Variants in SH3BP2 observed in about 807,000 individuals in gnomAD.
The protein encoded by SH3BP2 is SH3 domain-binding protein 2.
SH3BP2 carries 38 observed loss-of-function variants against 56.2 expected under a neutral mutation model. The observed-to-expected ratio is 0.68, with a 90% CI of 0.52 to 0.89. The LOEUF (loss-of-function observed/expected upper bound fraction) is 0.89. SH3BP2 is among the 40% of genes least tolerant of loss of function. The probability of loss-of-function intolerance (pLI) is 0.00; values close to 1 mark genes in which losing one functional copy is unlikely to be tolerated. For synonymous variants in SH3BP2, 346 were observed against 316.7 expected (o/e 1.09, Z -0.98); for missense variants, 748 against 762.6 (o/e 0.98, Z 0.23).
In SH3BP2 at chr4:2,836,502, G is replaced by A. The variant is rs1008784360; in HGVS notation, c.*2668G>A. The A allele has an allele frequency of 6.6e-6, 1 of 152,274 alleles. No individual in the cohort carries two copies. Among genetic ancestry groups the A allele is most frequent in the Non-Finnish European group, 1.5e-5 (1 of 68,076 alleles). The allele number at this position is 152,274 out of a possible 1,614,324, so 9.4% of individuals were successfully genotyped here. ...AGAGAACCAAGTCTCACAGAGGCCT[G>A]GGTTCAAGTCCCACCTCTGCCACTA... On this transcript the variant is annotated 3_prime_UTR_variant, in exon 13 of 13. Coordinates refer to ENST00000503393, the MANE Select transcript of SH3BP2 (RefSeq NM_001122681.2).
rs1017055566 is a variant in SH3BP2, at chr4:2,838,059, G to C, written c.*4225G>C. ...GACAGCTGCCCTGGCGTTGCCGTCT[G>C]CTTCTTCCCTGGCCCCACTCTGAGG... On this transcript the variant is annotated 3_prime_UTR_variant, in exon 13 of 13. Coordinates refer to ENST00000503393, the MANE Select transcript of SH3BP2 (RefSeq NM_001122681.2). 1 of 152,268 alleles carries C rather than the reference G, an allele frequency of 6.6e-6. No homozygotes were observed. Among genetic ancestry groups the C allele is most frequent in the Non-Finnish European group, 1.5e-5 (1 of 68,082 alleles). 9.4% of individuals were successfully genotyped at this position (152,268 alleles called of 1,614,324 possible). A position where few individuals can be genotyped will look rare whatever the true frequency, so the allele number is the denominator to read the frequency against.
At chr4:2,832,489 A>T in intron 11 of SH3BP2, 77 bp downstream of exon 11, 1 of 1,103,928 alleles carries the variant, frequency 9.1e-7, no homozygotes, top group Non-Finnish European at 1.4e-6. Flanking sequence ...CCAGGACTCC[A>T]CAGTTCCTAA....
chr4:2,822,872 T>C, intron 2 of SH3BP2, 63 bp from the exon 3 acceptor site: 1 of 1,304,028 alleles, frequency 7.7e-7, no homozygotes, highest in Non-Finnish European at 1.1e-6. Flanking sequence ...TGGAGGGTCC[T>C]CACAGTGGGT....
Position 2,831,837 on chromosome 4 carries a change from C to T in SH3BP2, c.1351-86C>T, listed in dbSNP as rs1276017505. On this transcript the variant is annotated intron_variant, in intron 9 of 12. Coordinates refer to ENST00000503393, the MANE Select transcript of SH3BP2 (RefSeq NM_001122681.2). The surrounding 1 kb of genome is among the most constrained non-coding windows in gnomAD (Gnocchi z 4.1). Reference sequence around the variant, plus strand: ...CACAGCACCATGTAAAGCCCCGGATCCCGGCACCGGGTGGCCACCGTCCGG... The same window carrying T: ...CACAGCACCATGTAAAGCCCCGGATTCCGGCACCGGGTGGCCACCGTCCGG... 4 of 1,488,604 alleles carry T rather than the reference C, an allele frequency of 2.7e-6. No homozygotes were observed. The East Asian group carries it at 9.3e-5, about 35-fold the overall frequency. The allele number at this position is 1,488,604 out of a possible 1,614,324, so 92.2% of individuals were successfully genotyped here.
At chr4:2,805,246 G>T (rs2108705455) in intron 1 of SH3BP2, among the ~76,000 whole-genome samples, 1 of 152,332 alleles carries the variant, frequency 6.6e-6, no homozygotes, top group East Asian at 1.9e-4. Flanking sequence ...TGGGCGTGGG[G>T]TGTCCCGGCC....
chr4:2,799,575 A>G (rs1376144769), intron 1 of SH3BP2, among the ~76,000 whole-genome samples: 1 of 152,176 alleles, frequency 6.6e-6, no homozygotes, highest in Admixed American at 6.5e-5. Flanking sequence ...TCTGCAGAGG[A>G]TCTAGCGGGC....
At chr4:2,833,084 C>A in intron 12 of SH3BP2, 35 bp downstream of exon 12, 1 of 1,602,290 alleles carries the variant, frequency 6.2e-7, no homozygotes, top group Non-Finnish European at 8.6e-7. Flanking sequence ...GGACCCTGGC[C>A]GCATGGCCTG....
At chr4:2,816,382 T>A (rs975857271) in intron 1 of SH3BP2, among the ~76,000 whole-genome samples, 13 of 152,272 alleles carry the variant, frequency 8.5e-5, no homozygotes, top group African/African-American at 3.1e-4. Context: ...ATTTTCTGTA[T>A]GTAAAATAAT....
intron 10 of SH3BP2, 35 bp downstream of exon 10, chr4:2,832,013 G>T (rs1019586585): frequency 1.2e-6 from 2 of 1,604,092 alleles, no homozygotes; most frequent in South Asian, 1.1e-5. Context: ...TGGGTCCTCC[G>T]CCATGCCCGG....
intron 5 of SH3BP2, chr4:2,827,000 T>C: frequency 1.5e-6 from 1 of 677,496 alleles, no homozygotes; most frequent in Non-Finnish European, 2.7e-6. Flanking sequence ...TGCATGTGTG[T>C]GTCTGTCAGC....
Position 2,809,614 on chromosome 4 carries a change from G to A in SH3BP2, c.-4-11000G>A, listed in dbSNP as rs947916624. On this transcript the variant is annotated intron_variant, in intron 1 of 12. Transcript: ENST00000503393. The stretch of plus-strand genomic sequence containing the variant: ...GGCAACAGGACTGTCCTCTTGGGCT[G>A]TGAGCCTTGAGATGAGGCAGGTGCC... 3.3e-5 allele frequency among the ~76,000 whole-genome samples: 5 copies of A among 152,232 alleles called. No individual in the cohort carries two copies. In the East Asian group the frequency reaches 7.7e-4, roughly 23 times the overall value.
At chr4:2,811,168 C>T (rs111467015) in intron 1 of SH3BP2, among the ~76,000 whole-genome samples, 25 of 152,190 alleles carry the variant, frequency 1.6e-4, no homozygotes, top group African/African-American at 4.1e-4. Context: ...GCTGGGGAGA[C>T]GGAGCTCCTT....
chr4:2,809,834 G>A, intron 1 of SH3BP2: 1 of 985,342 alleles, frequency 1.0e-6, no homozygotes, highest in Non-Finnish European at 1.2e-6. Flanking sequence ...ATCCTGGTAA[G>A]TGCCCTGTGT....
intron 1 of SH3BP2, 133 bp downstream of exon 1, chr4:2,793,271 C>T (rs1159753965): frequency 1.8e-5 from 2 of 111,908 alleles, no homozygotes; most frequent in African/African-American, 3.5e-5. Flanking sequence ...GGGGGAGTCT[C>T]GGGGTCCCGA....
rs370003217 is a variant in SH3BP2, at chr4:2,831,845, C to T, written c.1351-78C>T. 122 of 1,520,390 alleles carry T rather than the reference C, an allele frequency of 8.0e-5. No individual in the cohort carries two copies. The highest frequency in any genetic ancestry group is 1.8e-4 in the African/African-American group (13 of 73,106). The allele number at this position is 1,520,390 out of a possible 1,614,324, so 94.2% of individuals were successfully genotyped here. On this transcript the variant is annotated intron_variant, in intron 9 of 12. Transcript: ENST00000503393. This position sits in a 1 kb window ranked among gnomAD's most constrained non-coding sequence, Gnocchi z 4.1. ...CATGTAAAGCCCCGGATCCCGGCAC[C>T]GGGTGGCCACCGTCCGGGGAGTGGT...
In SH3BP2 at chr4:2,835,388, G is replaced by T. The variant is rs1271726312; in HGVS notation, c.*1554G>T. 1 of 152,228 alleles carries T rather than the reference G, an allele frequency of 6.6e-6. No individual in the cohort carries two copies. The highest frequency in any genetic ancestry group is 1.5e-5 in the Non-Finnish European group (1 of 68,078). 9.4% of individuals were successfully genotyped at this position (152,228 alleles called of 1,614,324 possible). On this transcript the variant is annotated 3_prime_UTR_variant, in exon 13 of 13. Coordinates refer to ENST00000503393, the MANE Select transcript of SH3BP2 (RefSeq NM_001122681.2). ...GCAGCCAGCTGCTTCCAGGAACCAG[G>T]TGTCCAAGGCCACCTCTGCAGGGGT...
At position 2,831,362 on chromosome 4, in the gene SH3BP2, A is replaced by C. The variant is rs9998364; in HGVS notation, c.1242-209A>C. Among the ~76,000 whole-genome samples, 6,684 of 151,944 alleles carry C rather than the reference A, an allele frequency of 0.044. 247 individuals are homozygous for C. The highest frequency in any genetic ancestry group is 0.084 in the African/African-American group (3,497 of 41,400). Reference sequence around the variant, plus strand: ...GCATCCATGGCAGCCCTGACCCCTGACTCCGGTGTCGGGCGATTCCTGCTG... The same window carrying C: ...GCATCCATGGCAGCCCTGACCCCTGCCTCCGGTGTCGGGCGATTCCTGCTG... On this transcript the variant is annotated intron_variant, in intron 8 of 12. Coordinates refer to ENST00000503393, the MANE Select transcript of SH3BP2 (RefSeq NM_001122681.2). The surrounding 1 kb of genome is among the most constrained non-coding windows in gnomAD (Gnocchi z 4.1).
intron 5 of SH3BP2, chr4:2,826,636 CTG>C (rs761566993): frequency 2.2e-4 from 68 of 304,664 alleles, no homozygotes; most frequent in South Asian, 5.5e-4. Context: ...GCGTGTTGCT[CTG>C]TGTGTGTGTG....
In SH3BP2 at chr4:2,824,444, C is replaced by G. The variant is rs1724479371; in HGVS notation, c.240-169C>G. On this transcript the variant is annotated intron_variant, in intron 3 of 12. Coordinates refer to ENST00000503393, the MANE Select transcript of SH3BP2 (RefSeq NM_001122681.2). ...CCCCTCCATGCCCCCTTACGCCTGCCTGGGCATGAAGCTCACTACTGGGAG... is the reference window on the plus strand; with the variant it reads ...CCCCTCCATGCCCCCTTACGCCTGCGTGGGCATGAAGCTCACTACTGGGAG... 3.9e-5 allele frequency among the ~76,000 whole-genome samples: 6 copies of G among 151,968 alleles called. No homozygotes were observed. The South Asian group carries it at 1.2e-3, about 32-fold the overall frequency.
Sources: allele counts gnomAD v4.1 joint callset (sites outside exome capture counted in the v4.1 genomes callset), GRCh38; gene constraint gnomAD v4.1.1; non-coding constraint Gnocchi (gnomAD v3.1); transcripts MANE v1.5; gene names NCBI Gene and HGNC (gene_info 2026-07-23, HGNC 2026-07-21).